The following AMBRA1 variants were observed in gnomAD, a reference collection of about 807,000 sequenced individuals.
AMBRA1 encodes activating molecule in BECN1-regulated autophagy protein 1.
Under a neutral mutation model 125.4 loss-of-function variants are expected in AMBRA1, and 47 were observed. The observed-to-expected ratio is 0.37, with a 90% CI of 0.30 to 0.48. AMBRA1 has a LOEUF of 0.48. AMBRA1 is among the 20% of genes least tolerant of loss of function. AMBRA1 has a pLI of 0.99. For synonymous variants in AMBRA1, 626 were observed against 655.5 expected, an observed-to-expected ratio of 0.95 and a Z score of 0.69; for missense variants, 1,331 against 1,693.4, an observed-to-expected ratio of 0.79 and a Z score of 3.76.
chr11:46,460,605 G>T (rs1373352844), intron 11 of AMBRA1, among the ~76,000 whole-genome samples: 2 of 152,108 alleles, frequency 1.3e-5, no homozygotes, highest in African/African-American at 4.8e-5. Context: ...TTACAGGCGT[G>T]AGCCACCGCG....
intron 11 of AMBRA1, 41 bp downstream of exon 11, chr11:46,493,566 TG>T (rs767068601): frequency 4.0e-6 from 6 of 1,509,346 alleles, no homozygotes; most frequent in East Asian, 2.3e-5. Flanking sequence ...TCTGGCTCCT[TG>T]GCCCTTCACA....
At chr11:46,487,094 C>A (rs534424881) in intron 11 of AMBRA1, among the ~76,000 whole-genome samples, 1 of 151,336 alleles carries the variant, frequency 6.6e-6, no homozygotes, top group Non-Finnish European at 1.5e-5. Context: ...CCCATCTCTA[C>A]GAAAAGTACA....
At chr11:46,446,653 G>T (rs1590827457) in intron 11 of AMBRA1, among the ~76,000 whole-genome samples, 1 of 152,180 alleles carries the variant, frequency 6.6e-6, no homozygotes, top group African/African-American at 2.4e-5. Context: ...CCCACTAGAT[G>T]CCAGTAGCAC....
At chr11:46,502,397 T>A (rs1174785966) in intron 9 of AMBRA1, among the ~76,000 whole-genome samples, 1 of 152,160 alleles carries the variant, frequency 6.6e-6, no homozygotes, top group Non-Finnish European at 1.5e-5. Context: ...AATATTAGAG[T>A]CTGTGGCTCA....
chr11:46,419,471 T>C (rs775698062), intron 14 of AMBRA1, among the ~76,000 whole-genome samples: 3 of 152,176 alleles, frequency 2.0e-5, no homozygotes, highest in Admixed American at 6.5e-5. Context: ...AGATGATGTA[T>C]AAAATGCCTG....
intron 9 of AMBRA1, chr11:46,495,117 G>A (rs1950587516): frequency 1.3e-5 from 2 of 152,226 alleles, no homozygotes; most frequent in Non-Finnish European, 1.5e-5. Context: ...CAAGAGAAGA[G>A]GAAAGGAGCT....
chr11:46,579,237 C>T (rs1490043352), intron 1 of AMBRA1, among the ~76,000 whole-genome samples: 5 of 152,108 alleles, frequency 3.3e-5, no homozygotes, highest in South Asian at 4.2e-4. Flanking sequence ...GCAGGAGTAT[C>T]ACCTGAGGTC....
chr11:46,559,087 G>A (rs2043248482), intron 1 of AMBRA1, among the ~76,000 whole-genome samples: 2 of 152,102 alleles, frequency 1.3e-5, no homozygotes, highest in South Asian at 4.2e-4. Context: ...ATCACCTGAG[G>A]TCAGGAGTTC....
intron 7 of AMBRA1, among the ~76,000 whole-genome samples, chr11:46,516,215 G>C (rs1215581151): frequency 6.6e-6 from 1 of 152,000 alleles, no homozygotes; most frequent in Non-Finnish European, 1.5e-5. Flanking sequence ...TCACTTTACT[G>C]CTAATGCACA....
intron 17 of AMBRA1, among the ~76,000 whole-genome samples, chr11:46,408,146 C>A (rs576457871): frequency 6.6e-6 from 1 of 152,168 alleles, no homozygotes; most frequent in Admixed American, 6.5e-5. Flanking sequence ...GGTAGGGGGA[C>A]GACAAGCTAG....
chr11:46,430,853 G>A (rs1947424892), intron 14 of AMBRA1, among the ~76,000 whole-genome samples: 2 of 152,158 alleles, frequency 1.3e-5, no homozygotes, highest in Non-Finnish European at 2.9e-5. Flanking sequence ...TATGGTCAGA[G>A]CTTGACATTA....
chr11:46,486,822 C>T (rs1223767501), intron 11 of AMBRA1, among the ~76,000 whole-genome samples: 1 of 152,086 alleles, frequency 6.6e-6, no homozygotes, highest in East Asian at 1.9e-4. Context: ...AGGAGAATGG[C>T]TTGAACCCAG....
At chr11:46,570,261 C>CCA (rs2043707718) in intron 1 of AMBRA1, among the ~76,000 whole-genome samples, 1 of 14,260 alleles carries the variant, frequency 7.0e-5, no homozygotes, top group Non-Finnish European at 1.4e-4. Context: ...GACCATGTCT[C>CCA]AAAAAAAAAA....
intron 1 of AMBRA1, among the ~76,000 whole-genome samples, chr11:46,590,702 T>C (rs763618953): frequency 6.6e-5 from 10 of 151,962 alleles, no homozygotes; most frequent in Non-Finnish European, 1.0e-4. Context: ...CAATCTAACA[T>C]TGACAGAACA....
At chr11:46,453,159 G>A in intron 11 of AMBRA1, among the ~76,000 whole-genome samples, 1 of 152,054 alleles carries the variant, frequency 6.6e-6, no homozygotes, top group East Asian at 1.9e-4. Context: ...GACATTTCAT[G>A]TAATGAAATC....
intron 1 of AMBRA1, among the ~76,000 whole-genome samples, chr11:46,569,600 A>G (rs2043682686): frequency 6.6e-6 from 1 of 152,020 alleles, no homozygotes; most frequent in Admixed American, 6.6e-5. Flanking sequence ...TAGAAATAGC[A>G]TTCCAAAGAG....
chr11:46,471,020 C>T (rs377208384), intron 11 of AMBRA1, among the ~76,000 whole-genome samples: 2 of 152,098 alleles, frequency 1.3e-5, no homozygotes, highest in African/African-American at 4.8e-5. Context: ...TGTTGCATGG[C>T]GATTTCTGAT....
intron 14 of AMBRA1, among the ~76,000 whole-genome samples, chr11:46,427,807 G>A (rs1326585101): frequency 2.0e-5 from 3 of 151,978 alleles, no homozygotes; most frequent in Non-Finnish European, 2.9e-5. Context: ...TCAGGAGTTC[G>A]AGACCAGCCT....
intron 1 of AMBRA1, among the ~76,000 whole-genome samples, chr11:46,569,518 A>T (rs2043679801): frequency 6.6e-6 from 1 of 150,928 alleles, no homozygotes; most frequent in Non-Finnish European, 1.5e-5. Flanking sequence ...GGGCAAACCT[A>T]GCAGATGTTT....
Sources: allele counts gnomAD v4.1 joint callset (sites outside exome capture counted in the v4.1 genomes callset), GRCh38; gene constraint gnomAD v4.1.1; transcripts MANE v1.5; gene names NCBI Gene and HGNC (gene_info 2026-07-23, HGNC 2026-07-21).